URM1: variants seen among roughly 807,000 people sequenced by gnomAD.
URM1 encodes ubiquitin related modifier 1.
A neutral mutation model predicts 17.7 loss-of-function variants in URM1; 11 were observed. The ratio of observed to expected loss-of-function variants is 0.62; its 90% CI spans 0.39 to 1.03. URM1 has a LOEUF of 1.03. Among genes scored for constraint, URM1 ranks in the 50% least tolerant of loss-of-function variants. The probability of loss-of-function intolerance (pLI) is 0.00; values close to 1 mark genes in which losing one functional copy is unlikely to be tolerated. For missense variants in URM1, 128 were observed against 129.2 expected, an observed-to-expected ratio of 0.99 and a Z score of 0.04; for synonymous variants, 48 against 50.6, an observed-to-expected ratio of 0.95 and a Z score of 0.22.
chr9:128,386,523 A>G (rs899442331), intron 2 of URM1, among the ~76,000 whole-genome samples: 3 of 152,250 alleles, frequency 2.0e-5, no homozygotes, highest in African/African-American at 7.2e-5. Flanking sequence ...CGTACGATCC[A>G]GGCAAGTTGG....
At chr9:128,371,510 A>G in intron 1 of URM1, 95 bp downstream of exon 1, 1 of 1,336,462 alleles carries the variant, frequency 7.5e-7, no homozygotes, top group Non-Finnish European at 1.1e-6. Context: ...CGGCCGAATC[A>G]CTGGGTGTCC....
intron 1 of URM1, 26 bp from the exon 2 acceptor site, chr9:128,378,006 GCTGT>G (rs1354589613): frequency 1.2e-6 from 2 of 1,609,412 alleles, no homozygotes; most frequent in African/African-American, 1.3e-5. Flanking sequence ...AGCTCACCTG[GCTGT>G]CTTTTTCTCT....
intron 2 of URM1, among the ~76,000 whole-genome samples, chr9:128,384,245 G>A (rs1182382930): frequency 7.2e-5 from 11 of 152,162 alleles, no homozygotes; most frequent in East Asian, 5.8e-4. Flanking sequence ...CTCTGCCCCC[G>A]ATGGGCAGGC....
rs932863980 is a variant in URM1 at position 128,389,700 on chromosome 9, G to C, written c.272G>C (p.Ser91Thr). The change falls in exon 5 of 5, where the codon AGC (serine) becomes ACC (threonine). Residue 91 changes from serine (S) to threonine (T), a missense_variant. Physicochemically the swap from Ser to Thr is moderately conservative, Grantham distance 58 (BLOSUM62 1). Coordinates refer to ENST00000372853, the MANE Select transcript of URM1 (RefSeq NM_030914.4). The stretch of plus-strand genomic sequence containing the variant: ...GACTACCAGCTTCAGGACCAGGACA[G>C]CGTCCTCTTCATCTCCACTCTGCAC... ...ELDYQLQDQDSVLFISTLHGG is the reference protein window; with the variant it reads ...ELDYQLQDQDTVLFISTLHGG 3.1e-6 allele frequency: 5 copies of C among 1,613,562 alleles called. No individual in the cohort carries two copies. The highest frequency in any genetic ancestry group is 4.2e-6 in the Non-Finnish European group (5 of 1,180,010).
rs374060674 is a variant in URM1 at position 128,387,942 on chromosome 9, C to T, written c.188+45C>T. 48 of 1,611,530 alleles carry T rather than the reference C, an allele frequency of 3.0e-5. No individual in the cohort carries two copies. The African/African-American group carries it at 4.1e-4, about 14-fold the overall frequency. ...TCCCTGAAGCAGGTGGAGGGAGGGA[C>T]GGATATTTGAGCCCCCACCCTCGGG... On this transcript the variant is annotated intron_variant, in intron 3 of 4. Transcript: ENST00000372853. The surrounding 1 kb of genome is among the most constrained non-coding windows in gnomAD (Gnocchi z 4.3).
At position 128,389,669 on chromosome 9, in the gene URM1, G is replaced by A. The variant is rs1037252644; in HGVS notation, c.241G>A (p.Glu81Lys). ...GCTCCCCTCTCTCCCGCACCAGGGT[G>A]AGCTGGACTACCAGCTTCAGGACCA... ...INDADWELLG[E>K]LDYQLQDQDS... is the part of the protein sequence containing the mutation. The change falls in exon 5 of 5, where the codon GAG becomes AAG. Residue 81 changes from glutamate to lysine, a missense_variant. Transcript: ENST00000372853. 9.9e-6 allele frequency: 16 copies of A among 1,613,402 alleles called. No homozygotes were observed. The highest frequency in any genetic ancestry group is 1.3e-5 in the Non-Finnish European group (15 of 1,180,016).
intron 2 of URM1, among the ~76,000 whole-genome samples, chr9:128,378,968 G>A (rs200422980): frequency 2.1e-3 from 267 of 125,390 alleles, no homozygotes; most frequent in African/African-American, 8.4e-3. Context: ...AAAAAAAAAA[G>A]AATGAACTTG....
At chr9:128,379,052 C>G (rs1217425654) in intron 2 of URM1, among the ~76,000 whole-genome samples, 1 of 152,008 alleles carries the variant, frequency 6.6e-6, no homozygotes, top group Non-Finnish European at 1.5e-5. Flanking sequence ...TCACTGTAAC[C>G]TTAGCAGTGG....
At chr9:128,381,556 C>A in intron 2 of URM1, among the ~76,000 whole-genome samples, 1 of 152,150 alleles carries the variant, frequency 6.6e-6, no homozygotes, top group East Asian at 1.9e-4. Context: ...AATAGCTGGG[C>A]ATGGTGGTGG....
At chr9:128,375,573 G>T (rs1264194770) in intron 1 of URM1, among the ~76,000 whole-genome samples, 1 of 151,782 alleles carries the variant, frequency 6.6e-6, no homozygotes. Context: ...ATTATTATTA[G>T]TTTTGAGATA....
intron 1 of URM1, 122 bp downstream of exon 1, chr9:128,371,537 C>A (rs970401285): frequency 1.0e-6 from 1 of 981,746 alleles, no homozygotes; most frequent in Non-Finnish European, 1.5e-6. Flanking sequence ...CCGCTGTGAG[C>A]TACGCTACCC....
At position 128,378,039 on chromosome 9, in the gene URM1, T is replaced by C. The variant is rs1833100519; in HGVS notation, c.39T>C (p.Gly13=). Residue 13 remains glycine (G), a synonymous_variant, in exon 2 of 5, where the codon GGT becomes GGC. Transcript: ENST00000372853. ...TTTCTCTGGTCCTCCTTTGCAGAGG[T>C]GGTGCGGAGCTCCTGTTTGACGGTA... ...APLSVEVEFG[G]GAELLFDGIK... 1 of 1,612,090 alleles carries C rather than the reference T, an allele frequency of 6.2e-7. No homozygotes were observed. Among genetic ancestry groups the C allele is most frequent in the Non-Finnish European group, 8.5e-7 (1 of 1,179,142 alleles).
rs570170023 is a variant in URM1 at position 128,382,622 on chromosome 9, C to T, written c.106+4516C>T. Among the ~76,000 whole-genome samples, 8 of 152,270 alleles carry T rather than the reference C, an allele frequency of 5.3e-5. No individual in the cohort carries two copies. The East Asian group carries it at 1.4e-3, about 26-fold the overall frequency. On this transcript the variant is annotated intron_variant, in intron 2 of 4. Coordinates refer to ENST00000372853, the MANE Select transcript of URM1 (RefSeq NM_030914.4). Reference sequence around the variant, plus strand: ...AGACTGCGAGAGAGGAAGCCTGGCACGCGCAGTTGCACATCACTTATTCCT... The same window carrying T: ...AGACTGCGAGAGAGGAAGCCTGGCATGCGCAGTTGCACATCACTTATTCCT...
Position 128,378,099 on chromosome 9 carries a change from G to A in URM1, c.99G>A (p.Glu33=), listed in dbSNP as rs774437175. Residue 33 remains glutamate (E), a synonymous_variant, in exon 2 of 5, where the codon GAG becomes GAA. Coordinates refer to ENST00000372853, the MANE Select transcript of URM1 (RefSeq NM_030914.4). ...KKHRVTLPGQ[E]EPWDIRNLLI... is the part of the protein sequence containing the mutation. ...ATCGAGTCACTTTGCCTGGACAGGA[G>A]GAACCCTGTGAGTATTGGCTTTCTG... The A allele has an allele frequency of 2.5e-6, 4 of 1,606,174 alleles. No homozygotes were observed. The East Asian group carries it at 9.1e-5, about 36-fold the overall frequency.
rs150827739 is a variant in URM1, at chr9:128,391,331, G to A, written c.*1597G>A. On this transcript the variant is annotated 3_prime_UTR_variant, in exon 5 of 5. Transcript: ENST00000372853. ...TGCTGGCTGGTGGGCTTTTCTCCAG[G>A]ACTACTGCAGGTAGAGACCCTCTGG... The A allele has an allele frequency of 0.023, 3,577 of 152,364 alleles. 54 individuals carry two copies. The highest frequency in any genetic ancestry group is 0.048 in the Middle Eastern group (14 of 294). 9.4% of individuals were successfully genotyped at this position (152,364 alleles called of 1,614,324 possible).
chr9:128,377,587 T>C (rs1002248499), intron 1 of URM1, among the ~76,000 whole-genome samples: 6 of 152,104 alleles, frequency 3.9e-5, no homozygotes, highest in Admixed American at 2.0e-4. Context: ...CGAGAATCAC[T>C]TGAACCTGGG....
chr9:128,376,444 G>C (rs934643735), intron 1 of URM1, among the ~76,000 whole-genome samples: 14 of 151,522 alleles, frequency 9.2e-5, no homozygotes, highest in Non-Finnish European at 2.1e-4. Flanking sequence ...TGGATCACGA[G>C]GTCAGGAGTT....
Position 128,389,811 on chromosome 9 carries a change from G to T in URM1, c.*77G>T. On this transcript the variant is annotated 3_prime_UTR_variant, in exon 5 of 5. Transcript: ENST00000372853. ...ACATCCCCTTGGGCCCTGCTTCCAG[G>T]TCTCCCTGTCCCCCTTGCCTGCCTT... The T allele has an allele frequency of 6.3e-7, 1 of 1,590,718 alleles. No homozygotes were observed. The highest frequency in any genetic ancestry group is 8.6e-7 in the Non-Finnish European group (1 of 1,165,336).
At chr9:128,372,514 T>A (rs895809351) in intron 1 of URM1, among the ~76,000 whole-genome samples, 18 of 152,178 alleles carry the variant, frequency 1.2e-4, no homozygotes, top group Admixed American at 1.3e-4. Flanking sequence ...GATACAAAGA[T>A]AAATAGAAGT....
Sources: gnomAD v4.1 joint callset for allele counts (sites outside exome capture counted in the v4.1 genomes callset) on GRCh38, gnomAD v4.1.1 for gene constraint, Gnocchi (gnomAD v3.1) non-coding constraint, MANE v1.5 for transcripts, NCBI Gene and HGNC (gene_info 2026-07-23, HGNC 2026-07-21) for gene names.